The following MCC variants were observed in gnomAD, a reference collection of about 807,000 sequenced individuals.
The protein encoded by MCC is colorectal mutant cancer protein.
MCC carries 90 observed loss-of-function variants against 116.2 expected under a neutral mutation model. That is an observed-to-expected ratio of 0.77 (90% confidence interval 0.65 to 0.92). The LOEUF (loss-of-function observed/expected upper bound fraction) is 0.92, where lower values mean the gene tolerates loss of function less well. Among genes scored for constraint, MCC ranks in the 40% least tolerant of loss-of-function variants. MCC has a pLI of 0.00. For missense variants in MCC, 1,516 were observed against 1,312.2 expected, an observed-to-expected ratio of 1.16 and a Z score of -2.40; for synonymous variants, 578 against 510.5, an observed-to-expected ratio of 1.13 and a Z score of -1.78.
rs369711745 is a variant in MCC, at chr5:113,360,190, G to C, written c.416-19460C>G. ...TGCCAGGGGAAAAAATACACCAAGG[G>C]GAATAAAAAAAAAAATGATTTCGAT... On this transcript the variant is annotated intron_variant, in intron 2 of 18. Coordinates refer to ENST00000408903, the MANE Select transcript of MCC (RefSeq NM_001085377.2). Among the ~76,000 whole-genome samples the C allele has an allele frequency of 3.5e-3, 442 of 126,698 alleles. 3 individuals carry two copies. The highest frequency in any genetic ancestry group is 0.016 in the African/African-American group (420 of 25,638). 83.1% of individuals were successfully genotyped at this position (126,698 alleles called of 152,430 possible). A position where few individuals can be genotyped will look rare whatever the true frequency, so the allele number is the denominator to read the frequency against.
intron 1 of MCC, among the ~76,000 whole-genome samples, chr5:113,463,863 T>C (rs1013368723): frequency 6.6e-6 from 1 of 151,956 alleles, no homozygotes; most frequent in African/African-American, 2.4e-5. Context: ...TGAGCAAAAA[T>C]TGATGCCTTA....
At chr5:113,099,263 C>A (rs1040508922) in intron 8 of MCC, among the ~76,000 whole-genome samples, 2 of 152,156 alleles carry the variant, frequency 1.3e-5, no homozygotes, top group Non-Finnish European at 2.9e-5. Context: ...CAAAACTATA[C>A]TAGTTGCACA....
chr5:113,063,864 G>T (rs775100827), intron 14 of MCC, 120 bp downstream of exon 14: 125 of 1,065,534 alleles, frequency 1.2e-4, no homozygotes, highest in Admixed American at 1.8e-4. Flanking sequence ...CATGCCAGAA[G>T]CCATGTCTGC....
At chr5:113,317,551 G>A (rs1767316440) in intron 3 of MCC, among the ~76,000 whole-genome samples, 1 of 152,194 alleles carries the variant, frequency 6.6e-6, no homozygotes, top group African/African-American at 2.4e-5. Flanking sequence ...ATGGCCAGGT[G>A]CTAAAGAAGG....
intron 3 of MCC, among the ~76,000 whole-genome samples, chr5:113,159,415 CCACTGG>C (rs1760359941): frequency 6.6e-6 from 1 of 152,164 alleles, no homozygotes; most frequent in Non-Finnish European, 1.5e-5. Context: ...CATCGTCTTA[CCACTGG>C]CAAGGGAATT....
At chr5:113,100,291 C>A (rs1274278226) in intron 8 of MCC, among the ~76,000 whole-genome samples, 15 of 151,902 alleles carry the variant, frequency 9.9e-5, no homozygotes, top group Admixed American at 9.2e-4. Flanking sequence ...TAATTTCTTC[C>A]GTTTTATATA....
At chr5:113,350,504 T>C (rs554132064) in intron 2 of MCC, among the ~76,000 whole-genome samples, 40 of 152,236 alleles carry the variant, frequency 2.6e-4, no homozygotes, top group African/African-American at 9.4e-4. Flanking sequence ...AGAATAAAAC[T>C]AGACCCCTAT....
At chr5:113,044,149 G>C (rs1018208961) in intron 16 of MCC, among the ~76,000 whole-genome samples, 1 of 152,152 alleles carries the variant, frequency 6.6e-6, no homozygotes, top group Non-Finnish European at 1.5e-5. Flanking sequence ...GAATATCCTT[G>C]GTGCCCCATC....
chr5:113,206,960 GA>G (rs1206836560), intron 3 of MCC, among the ~76,000 whole-genome samples: 1 of 152,142 alleles, frequency 6.6e-6, no homozygotes. Context: ...TCTAGCACCA[GA>G]ACTAAAGTAG....
At position 113,137,304 on chromosome 5, in the gene MCC, C is replaced by A. The variant is rs150770151; in HGVS notation, c.884+5914G>T. Among the ~76,000 whole-genome samples, 383 of 152,282 alleles carry A rather than the reference C, an allele frequency of 2.5e-3. 3 individuals carry two copies. The highest frequency in any genetic ancestry group is 0.014 in the South Asian group (69 of 4,808). On this transcript the variant is annotated intron_variant, in intron 5 of 18. Transcript: ENST00000408903. ...AATGGAAGAAACCAGTCACCTCCCT[C>A]CCTCAATATGTGGGTATTACAATTC... is the stretch of plus-strand genomic sequence containing the variant.
intron 4 of MCC, among the ~76,000 whole-genome samples, chr5:113,149,270 A>G (rs1003686778): frequency 6.6e-6 from 1 of 152,038 alleles, no homozygotes; most frequent in African/African-American, 2.4e-5. Context: ...CAAAAAAAGC[A>G]CTGAAAAAGT....
In MCC at chr5:113,053,967, A is replaced by G. The variant is rs1427349949; in HGVS notation, c.2214-8T>C. The G allele has an allele frequency of 3.7e-6, 6 of 1,604,492 alleles. No homozygotes were observed. Among genetic ancestry groups the G allele is most frequent in the African/African-American group, 2.7e-5 (2 of 74,714 alleles). On this transcript the variant is annotated splice_region_variant and splice_polypyrimidine_tract_variant and intron_variant, in intron 14 of 18. Coordinates refer to ENST00000408903, the MANE Select transcript of MCC (RefSeq NM_001085377.2). ...GCTGTGGAGCTGGTTGTGCTGAGAA[A>G]GAAGAAAAACAAAGACCCACCACCC...
chr5:113,397,214 G>A (rs970932205), intron 1 of MCC, among the ~76,000 whole-genome samples: 1 of 152,082 alleles, frequency 6.6e-6, no homozygotes, highest in Non-Finnish European at 1.5e-5. Context: ...TGCATCTGAA[G>A]GAATTAACTG....
At chr5:113,140,896 G>C (rs1340560602) in intron 5 of MCC, among the ~76,000 whole-genome samples, 2 of 152,178 alleles carry the variant, frequency 1.3e-5, no homozygotes, top group African/African-American at 4.8e-5. Context: ...TAAGAGCTGA[G>C]ACTGTGATGG....
At chr5:113,432,060 C>T (rs1262194487) in intron 1 of MCC, among the ~76,000 whole-genome samples, 1 of 151,580 alleles carries the variant, frequency 6.6e-6, no homozygotes, top group Admixed American at 6.6e-5. Flanking sequence ...TGGTTGAACC[C>T]GGGAGGCGGA....
chr5:113,394,559 G>A (rs112095112), intron 1 of MCC, among the ~76,000 whole-genome samples: 3 of 152,030 alleles, frequency 2.0e-5, no homozygotes, highest in Non-Finnish European at 4.4e-5. Flanking sequence ...TTCTATAAAC[G>A]GTCACTGTTA....
chr5:113,119,715 C>T (rs1222640667), intron 6 of MCC, among the ~76,000 whole-genome samples: 1 of 151,398 alleles, frequency 6.6e-6, no homozygotes, highest in Non-Finnish European at 1.5e-5. Context: ...AAAAAAAAAG[C>T]TTCTATGTGT....
intron 3 of MCC, among the ~76,000 whole-genome samples, chr5:113,216,406 T>G (rs1581263729): frequency 6.6e-6 from 1 of 152,174 alleles, no homozygotes; most frequent in East Asian, 1.9e-4. Flanking sequence ...TTCTTTGTCT[T>G]TCTAAGATGG....
At chr5:113,185,254 T>G (rs113836302) in intron 3 of MCC, among the ~76,000 whole-genome samples, 1 of 151,354 alleles carries the variant, frequency 6.6e-6, no homozygotes, top group African/African-American at 2.4e-5. Flanking sequence ...GGAAGGAGAG[T>G]TGTAAATGGG....
Sources: allele counts gnomAD v4.1 joint callset (sites outside exome capture counted in the v4.1 genomes callset), GRCh38; gene constraint gnomAD v4.1.1; transcripts MANE v1.5; gene names NCBI Gene and HGNC (gene_info 2026-07-23, HGNC 2026-07-21).